MGST2: variants seen among roughly 807,000 people sequenced by gnomAD.
MGST2 encodes microsomal glutathione S-transferase 2.
Under a neutral mutation model 16.6 loss-of-function variants are expected in MGST2, and 9 were observed. The ratio of observed to expected loss-of-function variants is 0.54; its 90% CI spans 0.33 to 0.95. The LOEUF is 0.95. Ranked by LOEUF, MGST2 falls within the 40% of genes least tolerant of loss-of-function variation. The pLI is 0.03. For missense variants in MGST2, 159 were observed against 175.1 expected (o/e 0.91, Z 0.52); for synonymous variants, 79 against 68.0 (o/e 1.16, Z -0.79).
chr4:139,748,053 TAAA>T, the MGST2 span, among the ~76,000 whole-genome samples: 7,203 of 95,556 alleles, frequency 0.075, 332 homozygotes, highest in Admixed American at 0.17. Context: ...AGACTTCGTC[TAAA>T]AAAAAAAAAA....
chr4:139,682,712 T>G (rs1731321275), intron 2 of MGST2, among the ~76,000 whole-genome samples: 1 of 152,122 alleles, frequency 6.6e-6, no homozygotes, highest in Non-Finnish European at 1.5e-5. Flanking sequence ...AGAAAATGCA[T>G]TTAGAATTCC....
chr4:139,719,572 T>G (rs1728143776), intron 5 of MGST2: 2 of 1,613,382 alleles, frequency 1.2e-6, no homozygotes, highest in Non-Finnish European at 1.7e-6. Flanking sequence ...CTGGCATGCC[T>G]GGGACTCCCT....
intron 5 of MGST2, among the ~76,000 whole-genome samples, chr4:139,738,726 A>T (rs926135076): frequency 2.6e-5 from 4 of 151,768 alleles, no homozygotes; most frequent in African/African-American, 9.7e-5. Flanking sequence ...AGAAAAAAAA[A>T]TGCAGAAAAG....
intron 2 of MGST2, among the ~76,000 whole-genome samples, chr4:139,687,462 T>C (rs897482584): frequency 6.6e-6 from 1 of 152,224 alleles, no homozygotes; most frequent in African/African-American, 2.4e-5. Flanking sequence ...CAAAGCCTAC[T>C]TGGTTATCTG....
At chr4:139,686,121 A>C (rs1731549466) in intron 2 of MGST2, among the ~76,000 whole-genome samples, 1 of 152,196 alleles carries the variant, frequency 6.6e-6, no homozygotes, top group Non-Finnish European at 1.5e-5. Context: ...TAAGAAATAC[A>C]TTGGTTTTGT....
At position 139,702,844 on chromosome 4, in the gene MGST2, G is replaced by GTTTTT. The variant is rs70943436; in HGVS notation, c.230-589_230-585dup. Among the ~76,000 whole-genome samples, 223 of 46,444 alleles carry GTTTTT rather than the reference G, an allele frequency of 4.8e-3. 27 individuals are homozygous for GTTTTT. Among genetic ancestry groups the GTTTTT allele is most frequent in the Non-Finnish European group, 6.7e-3 (150 of 22,462 alleles). The allele number at this position is 46,444 out of a possible 152,430, so 30.5% of individuals were successfully genotyped here. A position where few individuals can be genotyped will look rare whatever the true frequency, so the allele number is the denominator to read the frequency against. On this transcript the variant is annotated intron_variant, in intron 3 of 4. Coordinates refer to ENST00000265498, the MANE Select transcript of MGST2 (RefSeq NM_002413.5). ...TCCTCACCAACATTTTGTGTTACTG[G>GTTTTT]TTTTTTTTTTTTTTTTTTTTTTTTT... is the stretch of plus-strand genomic sequence containing the variant.
At chr4:139,693,329 C>T (rs1726722889) in intron 2 of MGST2, among the ~76,000 whole-genome samples, 2 of 148,440 alleles carry the variant, frequency 1.3e-5, no homozygotes, top group South Asian at 4.2e-4. Flanking sequence ...GGCGTGAACC[C>T]AGGAGGCGGA....
intron 3 of MGST2, among the ~76,000 whole-genome samples, chr4:139,695,711 A>C (rs1043723970): frequency 6.6e-6 from 1 of 152,230 alleles, no homozygotes; most frequent in African/African-American, 2.4e-5. Flanking sequence ...TCAGAGTGCT[A>C]TGTTGCAGGT....
At chr4:139,683,691 G>A (rs1731387712) in intron 2 of MGST2, among the ~76,000 whole-genome samples, 1 of 152,016 alleles carries the variant, frequency 6.6e-6, no homozygotes, top group Non-Finnish European at 1.5e-5. Flanking sequence ...AATCACTTAG[G>A]GGAGTGTGTG....
At chr4:139,749,976 AT>A in the MGST2 span, among the ~76,000 whole-genome samples, 1 of 151,224 alleles carries the variant, frequency 6.6e-6, no homozygotes, top group African/African-American at 2.4e-5. Flanking sequence ...AACAGCTATC[AT>A]TTCATTAATA....
At chr4:139,729,156 C>CAAAAAAAAAAAAAA (rs4057275) in intron 5 of MGST2, among the ~76,000 whole-genome samples, 3 of 81,704 alleles carry the variant, frequency 3.7e-5, no homozygotes, top group Non-Finnish European at 6.9e-5. Flanking sequence ...GGAACAAAAG[C>CAAAAAAAAAAAAAA]AAAAAAAAAA....
intron 5 of MGST2, among the ~76,000 whole-genome samples, chr4:139,712,822 A>G: frequency 6.6e-6 from 1 of 152,272 alleles, no homozygotes; most frequent in Non-Finnish European, 1.5e-5. Flanking sequence ...AAAGGAAAGC[A>G]CACCATTCCA....
At chr4:139,696,777 T>C (rs770022648) in intron 3 of MGST2, among the ~76,000 whole-genome samples, 1 of 152,228 alleles carries the variant, frequency 6.6e-6, no homozygotes, top group Non-Finnish European at 1.5e-5. Context: ...AATGCTAGCA[T>C]CTTCAATGGT....
intron 5 of MGST2, chr4:139,730,499 A>G (rs1019734051): frequency 7.1e-6 from 11 of 1,554,776 alleles, no homozygotes; most frequent in South Asian, 1.2e-5. Context: ...TGCTCTATCA[A>G]CTGGGCCCGC....
At chr4:139,712,283 G>A (rs1291823502) in intron 5 of MGST2, among the ~76,000 whole-genome samples, 2 of 152,196 alleles carry the variant, frequency 1.3e-5, no homozygotes, top group Non-Finnish European at 2.9e-5. Context: ...CTGAGCAGCA[G>A]TTAGAGATCA....
At chr4:139,675,254 G>A (rs191192122) in intron 1 of MGST2, among the ~76,000 whole-genome samples, 50 of 152,252 alleles carry the variant, frequency 3.3e-4, no homozygotes, top group East Asian at 1.3e-3. Flanking sequence ...TTTTATTTCC[G>A]TGCTTGAGGT....
rs146788817 is a variant in MGST2, at chr4:139,688,297, G to A, written c.159-6900G>A. On this transcript the variant is annotated intron_variant, in intron 2 of 4. Coordinates refer to ENST00000265498, the MANE Select transcript of MGST2 (RefSeq NM_002413.5). ...ATATTATTTCTAAACCTGGAGTCTA[G>A]ATGTATATCTAGTATACTAATAATG... is the stretch of plus-strand genomic sequence containing the variant. 3.4e-3 allele frequency among the ~76,000 whole-genome samples: 512 copies of A among 152,192 alleles called. 6 individuals are homozygous for A. The highest frequency in any genetic ancestry group is 5.5e-3 in the Non-Finnish European group (373 of 68,018).
chr4:139,706,712 C>G (rs554006260), downstream of MGST2, among the ~76,000 whole-genome samples: 1 of 152,086 alleles, frequency 6.6e-6, no homozygotes, highest in Non-Finnish European at 1.5e-5. Context: ...TTTGGTTAAA[C>G]ACGTGGAAAT....
intron 5 of MGST2, chr4:139,725,917 A>T (rs1295436505): frequency 8.5e-6 from 10 of 1,183,020 alleles, no homozygotes; most frequent in Non-Finnish European, 1.2e-5. Context: ...GTTCCGAGGA[A>T]GGTAGTGTTT....
Sources: allele counts gnomAD v4.1 joint callset (sites outside exome capture counted in the v4.1 genomes callset), GRCh38; gene constraint gnomAD v4.1.1; transcripts MANE v1.5; gene names NCBI Gene and HGNC (gene_info 2026-07-23, HGNC 2026-07-21).